CADM2: variants seen among roughly 807,000 people sequenced by gnomAD.
CADM2 encodes the protein immunoglobulin superfamily member 4D.
In CADM2, 12 loss-of-function variants were observed where a neutral mutation model predicts 49.8. The ratio of observed to expected loss-of-function variants is 0.24; its 90% CI spans 0.15 to 0.39. CADM2 has a LOEUF of 0.39. Ranked by LOEUF, CADM2 falls within the 10% of genes least tolerant of loss-of-function variation. The pLI is 1.00. For missense variants in CADM2, 378 were observed against 492.3 expected, an observed-to-expected ratio of 0.77 and a Z score of 2.20; for synonymous variants, 214 against 175.4, an observed-to-expected ratio of 1.22 and a Z score of -1.74.
chr3:85,433,709 A>G (rs1409607145), intron 1 of CADM2, among the ~76,000 whole-genome samples: 1 of 152,170 alleles, frequency 6.6e-6, no homozygotes, highest in Non-Finnish European at 1.5e-5. Flanking sequence ...TAGGTTGTAT[A>G]GAAATATGGC....
intron 3 of CADM2, among the ~76,000 whole-genome samples, chr3:85,850,078 C>A (rs769597825): frequency 6.6e-6 from 1 of 152,050 alleles, no homozygotes; most frequent in Non-Finnish European, 1.5e-5. Context: ...GTTTTCAGGT[C>A]TTGACACAGA....
At chr3:85,310,844 A>C (rs2107045867) in intron 1 of CADM2, among the ~76,000 whole-genome samples, 1 of 152,290 alleles carries the variant, frequency 6.6e-6, no homozygotes, top group African/African-American at 2.4e-5. Context: ...TGGGAAAGCT[A>C]GAGAACTTAG....
chr3:85,314,291 A>G (rs1306409193), intron 1 of CADM2, among the ~76,000 whole-genome samples: 1 of 152,174 alleles, frequency 6.6e-6, no homozygotes, highest in Non-Finnish European at 1.5e-5. Flanking sequence ...ATTAATGTAC[A>G]TATAGACCAG....
intron 8 of CADM2, among the ~76,000 whole-genome samples, chr3:85,962,108 G>A (rs1425712760): frequency 6.6e-6 from 1 of 151,564 alleles, no homozygotes; most frequent in African/African-American, 2.4e-5. Context: ...TAGTAGAGAT[G>A]GGCTTTCGCC....
At chr3:85,336,713 A>C in intron 1 of CADM2, among the ~76,000 whole-genome samples, 1 of 150,348 alleles carries the variant, frequency 6.7e-6, no homozygotes, top group East Asian at 1.9e-4. Context: ...TCAATATAAA[A>C]TTTTTCATGT....
chr3:85,622,873 G>T (rs963367500), intron 1 of CADM2, among the ~76,000 whole-genome samples: 2 of 151,846 alleles, frequency 1.3e-5, no homozygotes, highest in Non-Finnish European at 2.9e-5. Context: ...AATTTTTTTT[G>T]TTTTGTTTTG....
At chr3:85,386,110 T>C (rs1273425981) in intron 1 of CADM2, among the ~76,000 whole-genome samples, 1 of 152,158 alleles carries the variant, frequency 6.6e-6, no homozygotes, top group Non-Finnish European at 1.5e-5. Flanking sequence ...TTTGCATCCT[T>C]GCCATCGTAC....
chr3:85,090,535 A>G (rs982633815), intron 1 of CADM2, among the ~76,000 whole-genome samples: 3 of 152,184 alleles, frequency 2.0e-5, no homozygotes, highest in Non-Finnish European at 4.4e-5. Context: ...CAATGAGCAC[A>G]TTCTATTTGT....
intron 1 of CADM2, among the ~76,000 whole-genome samples, chr3:84,983,185 T>G (rs1194872410): frequency 6.6e-6 from 1 of 152,166 alleles, no homozygotes; most frequent in Admixed American, 6.5e-5. Context: ...ATGTATCATT[T>G]TTGTACTCTC....
chr3:85,462,401 T>G (rs903679298), intron 1 of CADM2, among the ~76,000 whole-genome samples: 1 of 152,164 alleles, frequency 6.6e-6, no homozygotes, highest in African/African-American at 2.4e-5. Flanking sequence ...AGGTACATTA[T>G]GAAAAAGTAG....
chr3:85,050,849 T>C (rs1345075924), intron 1 of CADM2, among the ~76,000 whole-genome samples: 1 of 152,188 alleles, frequency 6.6e-6, no homozygotes, highest in South Asian at 2.1e-4. Flanking sequence ...ATAATCGCTG[T>C]CTGAAAACAC....
rs116161618 is a variant in CADM2 at position 85,509,359 on chromosome 3, T to A, written c.62-217163T>A. 1.0e-2 allele frequency among the ~76,000 whole-genome samples: 1,520 copies of A among 152,212 alleles called. 23 individuals carry two copies. Among genetic ancestry groups the A allele is most frequent in the African/African-American group, 0.033 (1,384 of 41,520 alleles). On this transcript the variant is annotated intron_variant, in intron 1 of 9. Transcript: ENST00000383699. ...CCAGCACATCATTTTGGAAACATAATCCCTTATGGTATCACTATCACGATC... is the reference window on the plus strand; with the variant it reads ...CCAGCACATCATTTTGGAAACATAAACCCTTATGGTATCACTATCACGATC...
intron 1 of CADM2, among the ~76,000 whole-genome samples, chr3:85,233,548 A>G (rs527945501): frequency 6.6e-6 from 1 of 152,288 alleles, no homozygotes; most frequent in East Asian, 1.9e-4. Context: ...CTAAAAAAGT[A>G]AAATATATTA....
chr3:85,853,122 C>A (rs75999210), intron 3 of CADM2, among the ~76,000 whole-genome samples: 282 of 151,522 alleles, frequency 1.9e-3, no homozygotes, highest in Non-Finnish European at 3.0e-3. Flanking sequence ...CTTTCCCTGC[C>A]AGCATTGTCA....
chr3:85,354,246 T>C (rs969133794), intron 1 of CADM2, among the ~76,000 whole-genome samples: 1 of 150,924 alleles, frequency 6.6e-6, no homozygotes, highest in Non-Finnish European at 1.5e-5. Flanking sequence ...TGGAGAATCA[T>C]TATTCATATG....
rs1464055979 is a variant in CADM2 at position 85,995,014 on chromosome 3, T to TTAAAAAAAAAAA, written c.970+33367_970+33368insTAAAAAAAAAAA. On this transcript the variant is annotated intron_variant, in intron 8 of 9. Coordinates refer to ENST00000383699, the MANE Select transcript of CADM2 (RefSeq NM_001167675.2). ...GGGTTGCCACAAATCTTCGATTTGT[T>TTAAAAAAAAAAA]AAAAAAAAAAAAAAAAAAAATCATT... Among the ~76,000 whole-genome samples the TTAAAAAAAAAAA allele has an allele frequency of 7.3e-4, 61 of 83,022 alleles. 2 individuals are homozygous for TTAAAAAAAAAAA. In the East Asian group the frequency reaches 0.023, roughly 31 times the overall value. The allele number at this position is 83,022 out of a possible 152,430, so 54.5% of individuals were successfully genotyped here.
rs569115635 is a variant in CADM2, at chr3:85,135,062, A to G, written c.61+175394A>G. ...AAAAGCAATGTCTCTGATAAAAATT[A>G]TTTTTATTCATAAGTAAATATAAAT... is the stretch of plus-strand genomic sequence containing the variant. On this transcript the variant is annotated intron_variant, in intron 1 of 9. Coordinates refer to ENST00000383699, the MANE Select transcript of CADM2 (RefSeq NM_001167675.2). Among the ~76,000 whole-genome samples, 19 of 152,108 alleles carry G rather than the reference A, an allele frequency of 1.2e-4. 1 individual carries two copies. The highest frequency in any genetic ancestry group is 3.9e-4 in the Admixed American group (6 of 15,274).
At chr3:85,045,881 T>C (rs1391842339) in intron 1 of CADM2, among the ~76,000 whole-genome samples, 3 of 152,154 alleles carry the variant, frequency 2.0e-5, no homozygotes, top group Admixed American at 2.0e-4. Context: ...TATTCTCTTT[T>C]ATATTTTTCA....
At chr3:85,847,025 C>A (rs572608847) in intron 3 of CADM2, among the ~76,000 whole-genome samples, 2 of 152,216 alleles carry the variant, frequency 1.3e-5, no homozygotes, top group East Asian at 3.9e-4. Flanking sequence ...CACTATGAAT[C>A]AATATTATTT....
Sources: gnomAD v4.1 joint callset for allele counts (sites outside exome capture counted in the v4.1 genomes callset) on GRCh38, gnomAD v4.1.1 for gene constraint, MANE v1.5 for transcripts, NCBI Gene and HGNC (gene_info 2026-07-23, HGNC 2026-07-21) for gene names.